PARP16: variants seen among roughly 807,000 people sequenced by gnomAD.
PARP16 encodes protein mono-ADP-ribosyltransferase PARP16.
Under a neutral mutation model 35.0 loss-of-function variants are expected in PARP16, and 31 were observed. That is an observed-to-expected ratio of 0.88 (90% CI 0.66 to 1.19). The LOEUF (loss-of-function observed/expected upper bound fraction) is 1.19, where lower values mean the gene tolerates loss of function less well. Ranked by LOEUF, PARP16 falls within the 50% of genes most tolerant of loss-of-function variation. The pLI is 0.00. For synonymous variants in PARP16, 162 were observed against 169.5 expected, an observed-to-expected ratio of 0.96 and a Z score of 0.34; for missense variants, 424 against 411.2, an observed-to-expected ratio of 1.03 and a Z score of -0.27.
intron 1 of PARP16, among the ~76,000 whole-genome samples, chr15:65,272,846 G>A (rs2140924943): frequency 6.6e-6 from 1 of 152,302 alleles, no homozygotes; most frequent in African/African-American, 2.4e-5. Flanking sequence ...TTTGAAGAAG[G>A]TCACAGAATC....
chr15:65,271,127 G>T (rs1434071325), intron 1 of PARP16, 55 bp from the exon 2 acceptor site: 1 of 1,595,556 alleles, frequency 6.3e-7, no homozygotes, highest in African/African-American at 1.3e-5. Context: ...GTGATAATCA[G>T]GGGCCCTCTA....
intron 2 of PARP16, among the ~76,000 whole-genome samples, chr15:65,251,890 G>A (rs1410593054): frequency 2.6e-5 from 4 of 151,938 alleles, no homozygotes; most frequent in Non-Finnish European, 5.9e-5. Context: ...TCAGCCTCCC[G>A]AGTAGCTGGG....
chr15:65,273,876 C>A (rs201465665), intron 1 of PARP16, among the ~76,000 whole-genome samples: 138 of 137,158 alleles, frequency 1.0e-3, no homozygotes, highest in Middle Eastern at 7.5e-3. Flanking sequence ...AACTCTGTTT[C>A]AAAAAAAAAA....
At chr15:65,239,547 A>G (rs943962525) in intron 3 of PARP16, among the ~76,000 whole-genome samples, 1 of 150,776 alleles carries the variant, frequency 6.6e-6, no homozygotes, top group Non-Finnish European at 1.5e-5. Context: ...TTGAAATCCA[A>G]CTTCCCTTCC....
downstream of PARP16, among the ~76,000 whole-genome samples, chr15:65,233,608 C>A (rs995441110): frequency 1.3e-5 from 2 of 151,866 alleles, no homozygotes; most frequent in Non-Finnish European, 2.9e-5. Context: ...GGCTGGCATG[C>A]GCCTGTAGTC....
chr15:65,236,291 A>G (rs1381060092), intron 3 of PARP16, among the ~76,000 whole-genome samples: 2 of 152,232 alleles, frequency 1.3e-5, no homozygotes, highest in African/African-American at 4.8e-5. Context: ...AACATTAATA[A>G]AATAACATTA....
chr15:65,255,180 C>T (rs1258803514), downstream of PARP16, among the ~76,000 whole-genome samples: 1 of 152,128 alleles, frequency 6.6e-6, no homozygotes, highest in East Asian at 1.9e-4. Flanking sequence ...TGTTAAGTCT[C>T]GTGTAGGGCT....
At chr15:65,273,312 T>C (rs1029956303) in intron 1 of PARP16, among the ~76,000 whole-genome samples, 3 of 122,742 alleles carry the variant, frequency 2.4e-5, no homozygotes, top group Non-Finnish European at 5.6e-5. Context: ...TGTGGTTCTT[T>C]TCCATTTTTC....
downstream of PARP16, among the ~76,000 whole-genome samples, chr15:65,254,069 C>T (rs2089436410): frequency 6.6e-6 from 1 of 152,138 alleles, no homozygotes; most frequent in East Asian, 1.9e-4. Context: ...CTGCCCGCCT[C>T]AGCCTTCCAA....
chr15:65,276,046 T>C (rs1424176264), intron 1 of PARP16, among the ~76,000 whole-genome samples: 1 of 152,176 alleles, frequency 6.6e-6, no homozygotes, highest in Non-Finnish European at 1.5e-5. Flanking sequence ...AGCTCCAAGC[T>C]GGACCCAGGC....
chr15:65,261,538 C>A (rs1049316817), intron 4 of PARP16, among the ~76,000 whole-genome samples: 2 of 151,694 alleles, frequency 1.3e-5, no homozygotes, highest in African/African-American at 4.8e-5. Context: ...TTACTACAAC[C>A]TCTGCCTCCC....
At position 65,243,857 on chromosome 15, in the gene PARP16, C is replaced by T. The variant is rs547015962; in HGVS notation, c.*97+4260G>A. Among the ~76,000 whole-genome samples the T allele has an allele frequency of 2.6e-5, 4 of 152,190 alleles. No individual in the cohort carries two copies. In the East Asian group the frequency reaches 5.8e-4, roughly 22 times the overall value. ...ACTCCTCCCTAAGTCCTTATTGTGA[C>T]TCCCAAGGCCCTGTCTCCTGTCTGG... is the stretch of plus-strand genomic sequence containing the variant. On this transcript the variant is annotated intron_variant and NMD_transcript_variant, in intron 3 of 3. Transcript: ENST00000559805.
chr15:65,235,392 T>G (rs2088850256), intron 3 of PARP16, among the ~76,000 whole-genome samples: 1 of 152,072 alleles, frequency 6.6e-6, no homozygotes, highest in East Asian at 1.9e-4. Context: ...TTTTAGAACC[T>G]AGCCACGGAT....
chr15:65,237,578 CAG>C (rs2088919630), intron 3 of PARP16, among the ~76,000 whole-genome samples: 1 of 152,000 alleles, frequency 6.6e-6, no homozygotes, highest in African/African-American at 2.4e-5. Context: ...AGTGTGACCA[CAG>C]AGAGGGAGAT....
chr15:65,277,894 C>T (rs370853537), intron 1 of PARP16, among the ~76,000 whole-genome samples: 2 of 152,298 alleles, frequency 1.3e-5, no homozygotes, highest in East Asian at 3.9e-4. Context: ...ATGTAATATG[C>T]AGTATAGGGG....
intron 3 of PARP16, among the ~76,000 whole-genome samples, chr15:65,242,385 C>A (rs559546941): frequency 1.6e-5 from 2 of 122,944 alleles, no homozygotes; most frequent in South Asian, 3.6e-4. Flanking sequence ...TTAGAATCAG[C>A]TTGTTTACTA....
At chr15:65,236,376 C>G (rs2088878827) in intron 3 of PARP16, among the ~76,000 whole-genome samples, 1 of 152,208 alleles carries the variant, frequency 6.6e-6, no homozygotes, top group African/African-American at 2.4e-5. Flanking sequence ...ATTTATATGA[C>G]ACATTTTTAT....
chr15:65,271,826 G>A (rs1406128259), intron 1 of PARP16, among the ~76,000 whole-genome samples: 1 of 152,184 alleles, frequency 6.6e-6, no homozygotes, highest in Non-Finnish European at 1.5e-5. Flanking sequence ...CTGTTAAGTT[G>A]TTCCCCTGGA....
At chr15:65,244,063 C>A (rs1389190111) in intron 3 of PARP16, among the ~76,000 whole-genome samples, 1 of 152,138 alleles carries the variant, frequency 6.6e-6, no homozygotes, top group Non-Finnish European at 1.5e-5. Flanking sequence ...CCACCTCAAG[C>A]CCTTGGCATT....
Sources: gnomAD v4.1 joint callset for allele counts (sites outside exome capture counted in the v4.1 genomes callset) on GRCh38, gnomAD v4.1.1 for gene constraint, MANE v1.5 for transcripts, NCBI Gene and HGNC (gene_info 2026-07-23, HGNC 2026-07-21) for gene names.